XRCC4: variants seen among roughly 807,000 people sequenced by gnomAD.
XRCC4 encodes DNA repair protein XRCC4.
In XRCC4, 28 loss-of-function variants were observed where a neutral mutation model predicts 39.1. That is an observed-to-expected ratio of 0.72 (90% CI 0.53 to 0.98). The LOEUF is 0.98. XRCC4 is among the 50% of genes least tolerant of loss of function. The pLI is 0.00. For synonymous variants in XRCC4, 123 were observed against 126.4 expected, an observed-to-expected ratio of 0.97 and a Z score of 0.18; for missense variants, 350 against 376.4, an observed-to-expected ratio of 0.93 and a Z score of 0.58.
intron 3 of XRCC4, among the ~76,000 whole-genome samples, chr5:83,150,987 A>C (rs929824623): frequency 3.9e-5 from 6 of 152,058 alleles, no homozygotes; most frequent in African/African-American, 9.7e-5. Flanking sequence ...TTCCTTTGCT[A>C]TCTCAATTTC....
intron 6 of XRCC4, among the ~76,000 whole-genome samples, chr5:83,232,638 C>T (rs370676614): frequency 6.6e-6 from 1 of 152,126 alleles, no homozygotes; most frequent in Non-Finnish European, 1.5e-5. Flanking sequence ...TGTCCAAATT[C>T]TTCTAGATAT....
chr5:83,086,278 A>G (rs78898023), intron 1 of XRCC4, among the ~76,000 whole-genome samples: 3,700 of 152,302 alleles, frequency 0.024, 132 homozygotes, highest in African/African-American at 0.085. Flanking sequence ...CCTCTCACGC[A>G]GTTGAAAATC....
chr5:83,352,670 A>G (rs1757115242), intron 7 of XRCC4, among the ~76,000 whole-genome samples: 1 of 152,230 alleles, frequency 6.6e-6, no homozygotes, highest in Non-Finnish European at 1.5e-5. Flanking sequence ...TCATATATAC[A>G]CATGATCATC....
At chr5:83,252,621 T>C (rs1231806528) in intron 6 of XRCC4, among the ~76,000 whole-genome samples, 2 of 152,160 alleles carry the variant, frequency 1.3e-5, no homozygotes, top group African/African-American at 4.8e-5. Flanking sequence ...TGTACATTGA[T>C]TTATAATCAA....
At chr5:83,336,296 G>A (rs1209341467) in intron 7 of XRCC4, among the ~76,000 whole-genome samples, 1 of 152,102 alleles carries the variant, frequency 6.6e-6, no homozygotes, top group Non-Finnish European at 1.5e-5. Flanking sequence ...AGCCTGTTCA[G>A]TTTTCATGGT....
chr5:83,256,200 C>T (rs372502492), intron 6 of XRCC4, among the ~76,000 whole-genome samples: 2 of 151,582 alleles, frequency 1.3e-5, no homozygotes, highest in South Asian at 2.1e-4. Context: ...CTGCTTCTGG[C>T]CGGTGCATTC....
rs113339160 is a variant in XRCC4, at chr5:83,257,344, GAA to G, written c.746-1176_746-1175del. On this transcript the variant is annotated intron_variant, in intron 6 of 7. Transcript: ENST00000396027. ...CACAGAACTTAAACAAAATTTACAA[GAA>G]AAAAAAAAACCCATTAAAAAGTGGC... Among the ~76,000 whole-genome samples the G allele has an allele frequency of 4.6e-3, 658 of 141,796 alleles. 12 individuals carry two copies. In the East Asian group the frequency reaches 0.076, roughly 16 times the overall value. The allele number at this position is 141,796 out of a possible 152,430, so 93.0% of individuals were successfully genotyped here.
chr5:83,228,432 A>C (rs1293368321), intron 6 of XRCC4, among the ~76,000 whole-genome samples: 1 of 152,020 alleles, frequency 6.6e-6, no homozygotes, highest in Admixed American at 6.6e-5. Flanking sequence ...GGTTTTAATG[A>C]GGTAGATTTA....
At chr5:83,077,883 G>T (rs1197947781) in intron 1 of XRCC4, 1 of 156,274 alleles carries the variant, frequency 6.4e-6, no homozygotes, top group Non-Finnish European at 1.4e-5. Flanking sequence ...TTGGGAATGC[G>T]AAGCACTTTT....
chr5:83,139,925 T>C (rs1748087061), intron 3 of XRCC4, among the ~76,000 whole-genome samples: 1 of 152,236 alleles, frequency 6.6e-6, no homozygotes, highest in South Asian at 2.1e-4. Context: ...CATTCACACA[T>C]CTGCATTTGT....
intron 7 of XRCC4, among the ~76,000 whole-genome samples, chr5:83,271,047 A>C (rs1223994997): frequency 6.6e-6 from 1 of 152,156 alleles, no homozygotes; most frequent in Admixed American, 6.5e-5. Context: ...ACTAAAATGC[A>C]TTCCTGGATT....
Position 83,086,622 on chromosome 5 carries a change from TAGAGGAGGTGGA to T in XRCC4, c.-11+9016_-11+9027del, listed in dbSNP as rs1745194352. On this transcript the variant is annotated intron_variant, in intron 1 of 7. Transcript: ENST00000396027. ...GCAGAGGTGGCAGAGGTGGCAGAGG[TAGAGGAGGTGGA>T]AGAGGAGGCAGGAGAGGTGGACACA... Among the ~76,000 whole-genome samples, 7 of 151,782 alleles carry T rather than the reference TAGAGGAGGTGGA, an allele frequency of 4.6e-5. No individual in the cohort carries two copies. The South Asian group carries it at 1.5e-3, about 32-fold the overall frequency.
chr5:83,186,743 A>G (rs1359347740), intron 3 of XRCC4, among the ~76,000 whole-genome samples: 1 of 152,174 alleles, frequency 6.6e-6, no homozygotes, highest in Non-Finnish European at 1.5e-5. Context: ...TAGTGCCTCA[A>G]AACAACATAA....
At chr5:83,339,792 C>T (rs1756700014) in intron 7 of XRCC4, among the ~76,000 whole-genome samples, 1 of 152,146 alleles carries the variant, frequency 6.6e-6, no homozygotes, top group Admixed American at 6.5e-5. Flanking sequence ...CTTTAACAAC[C>T]AGCCTTGCTC....
chr5:83,320,072 T>C lies in XRCC4; in HGVS notation c.894-33059T>C, dbSNP rs996041649. ...GTCCTTTGTAGGGACATGGATGAAA[T>C]TGGAAACCATCATTCTCAGTAAACT... On this transcript the variant is annotated intron_variant, in intron 7 of 7. Coordinates refer to ENST00000396027, the MANE Select transcript of XRCC4 (RefSeq NM_003401.5). 8.1e-5 allele frequency among the ~76,000 whole-genome samples: 12 copies of C among 148,472 alleles called. 1 individual carries two copies. In the East Asian group the frequency reaches 2.2e-3, roughly 27 times the overall value.
At chr5:83,104,784 T>C in intron 1 of XRCC4, 126 bp from the exon 2 acceptor site, 4 of 732,016 alleles carry the variant, frequency 5.5e-6, no homozygotes, top group Non-Finnish European at 6.7e-6. Context: ...GAACCTATTA[T>C]ACAGTTTTTT....
At chr5:83,354,725 A>G (rs968651695), downstream of XRCC4, among the ~76,000 whole-genome samples, 2 of 152,044 alleles carry the variant, frequency 1.3e-5, no homozygotes, top group Admixed American at 6.6e-5. Context: ...CACTACCACA[A>G]TGCAGTTGCT....
the XRCC4 span, among the ~76,000 whole-genome samples, chr5:83,363,954 C>T: frequency 6.6e-6 from 1 of 152,180 alleles, no homozygotes; most frequent in East Asian, 1.9e-4. Flanking sequence ...GCAGTGTTCA[C>T]ATTTCTTTCT....
rs528749379 is a variant in XRCC4 at position 83,166,726 on chromosome 5, C to T, written c.316-29044C>T. 3.3e-5 allele frequency among the ~76,000 whole-genome samples: 5 copies of T among 151,954 alleles called. 1 individual carries two copies. In the East Asian group the frequency reaches 7.8e-4, roughly 24 times the overall value. On this transcript the variant is annotated intron_variant, in intron 3 of 7. Transcript: ENST00000396027. The stretch of plus-strand genomic sequence containing the variant: ...TCCTGGCCTCAGGTGATCTGCCTGC[C>T]TCGGCCTGCCAAAGAGTTGGCATTA...
Sources: allele counts gnomAD v4.1 joint callset (sites outside exome capture counted in the v4.1 genomes callset), GRCh38; gene constraint gnomAD v4.1.1; transcripts MANE v1.5; gene names NCBI Gene and HGNC (gene_info 2026-07-23, HGNC 2026-07-21).